The following GABBR1 variants were observed in gnomAD, a reference collection of about 807,000 sequenced individuals.
GABBR1 encodes gamma-aminobutyric acid type B receptor subunit 1.
Under a neutral mutation model 117.7 loss-of-function variants are expected in GABBR1, and 35 were observed. The observed-to-expected ratio is 0.30, with a 90% CI of 0.23 to 0.39. The LOEUF is 0.39. Among genes scored for constraint, GABBR1 ranks in the 10% least tolerant of loss-of-function variants. GABBR1 has a pLI of 1.00. For synonymous variants in GABBR1, 442 were observed against 486.6 expected, an observed-to-expected ratio of 0.91 and a Z score of 1.21; for missense variants, 709 against 1,241.8, an observed-to-expected ratio of 0.57 and a Z score of 6.45.
At chr6:29,615,452 T>C (rs1381596435) in intron 11 of GABBR1, among the ~76,000 whole-genome samples, 2 of 150,668 alleles carry the variant, frequency 1.3e-5, no homozygotes, top group African/African-American at 2.4e-5. Flanking sequence ...CTACTAAAAA[T>C]ACAAAAATTA....
At position 29,627,758 on chromosome 6, in the gene GABBR1, A is replaced by T; in HGVS notation, c.497-112T>A. The T allele has an allele frequency of 4.0e-6, 6 of 1,481,710 alleles. No individual in the cohort carries two copies. The highest frequency in any genetic ancestry group is 5.4e-6 in the Non-Finnish European group (6 of 1,121,486). The allele number at this position is 1,481,710 out of a possible 1,614,324, so 91.8% of individuals were successfully genotyped here. A position where few individuals can be genotyped will look rare whatever the true frequency, so the allele number is the denominator to read the frequency against. On this transcript the variant is annotated intron_variant, in intron 5 of 22. Transcript: ENST00000377034. This position sits in a 1 kb window ranked among gnomAD's most constrained non-coding sequence, Gnocchi z 4.4. ...ATCACAACCAGAAGCGGCAGTGGCC[A>T]CCCCACCCGGGCAAAAGGGGCCCCG...
In GABBR1 at chr6:29,632,725, C is replaced by A. The variant is rs1238947096; in HGVS notation, c.-1+125G>T. On this transcript the variant is annotated intron_variant, in intron 1 of 22. Transcript: ENST00000377034. This position sits in a 1 kb window ranked among gnomAD's most constrained non-coding sequence, Gnocchi z 5.8. ...CCGCCTCAGCGCTCCCCGATTCCAT[C>A]CCCGCGGTTCCTCCTCTCCCCCAGC... 8.7e-5 allele frequency: 115 copies of A among 1,326,284 alleles called. No homozygotes were observed. Among genetic ancestry groups the A allele is most frequent in the Non-Finnish European group, 1.1e-4 (112 of 1,022,320 alleles). The allele number at this position is 1,326,284 out of a possible 1,614,324, so 82.2% of individuals were successfully genotyped here. A position where few individuals can be genotyped will look rare whatever the true frequency, so the allele number is the denominator to read the frequency against.
rs28383948 is a variant in GABBR1 at position 29,610,068 on chromosome 6, T to TA, written c.1709-690dup. Among the ~76,000 whole-genome samples, 355 of 125,216 alleles carry TA rather than the reference T, an allele frequency of 2.8e-3. 2 individuals are homozygous for TA. Among genetic ancestry groups the TA allele is most frequent in the Middle Eastern group, 7.7e-3 (2 of 260 alleles). The allele number at this position is 125,216 out of a possible 152,430, so 82.1% of individuals were successfully genotyped here. Reference sequence around the variant, plus strand: ...AGAACATTGTCCTAAATTCGAATTGTAAAAAAAAAAAAAAAAGGGCAAAAC... The same window carrying TA: ...AGAACATTGTCCTAAATTCGAATTGTAAAAAAAAAAAAAAAAAGGGCAAAAC... On this transcript the variant is annotated intron_variant, in intron 14 of 22. Coordinates refer to ENST00000377034, the MANE Select transcript of GABBR1 (RefSeq NM_001470.4).
At position 29,610,967 on chromosome 6, in the gene GABBR1, G is replaced by A; in HGVS notation, c.1665C>T (p.Ser555=). ...GSYKKIGYYD[S]TKDDLSWSKT... ...TGGACCAGGAAAGATCATCCTTGGT[G>A]CTGTCATAGTAGCCAATCTTCTTGT... is the stretch of plus-strand genomic sequence containing the variant. Residue 555 remains serine (S), a synonymous_variant, in exon 14 of 23, where the codon AGC becomes AGT. Transcript: ENST00000377034. The A allele has an allele frequency of 1.2e-6, 2 of 1,613,028 alleles. No individual in the cohort carries two copies. The highest frequency in any genetic ancestry group is 1.7e-6 in the Non-Finnish European group (2 of 1,179,980).
At chr6:29,612,682 C>G in intron 12 of GABBR1, 68 bp from the exon 13 acceptor site, 1 of 1,304,324 alleles carries the variant, frequency 7.7e-7, no homozygotes, top group Non-Finnish European at 1.1e-6. Flanking sequence ...ACATCAGGGA[C>G]TCTTTAAATC....
Position 29,613,622 on chromosome 6 carries a change from A to T in GABBR1, c.1324-137T>A. The T allele has an allele frequency of 8.9e-7, 1 of 1,123,518 alleles. No individual in the cohort carries two copies. 69.6% of individuals were successfully genotyped at this position (1,123,518 alleles called of 1,614,324 possible). A position where few individuals can be genotyped will look rare whatever the true frequency, so the allele number is the denominator to read the frequency against. On this transcript the variant is annotated intron_variant, in intron 11 of 22. Transcript: ENST00000377034. This position sits in a 1 kb window ranked among gnomAD's most constrained non-coding sequence, Gnocchi z 4.1. Reference sequence around the variant, plus strand: ...CTGTTGTCAGATTGGACACATGTACATTCAAAATCTTTAACTATACCCATG... The same window carrying T: ...CTGTTGTCAGATTGGACACATGTACTTTCAAAATCTTTAACTATACCCATG...
rs1484754590 is a variant in GABBR1 at position 29,630,680 on chromosome 6, T to C, written c.290-37A>G. On this transcript the variant is annotated intron_variant, in intron 3 of 22. Coordinates refer to ENST00000377034, the MANE Select transcript of GABBR1 (RefSeq NM_001470.4). This position sits in a 1 kb window ranked among gnomAD's most constrained non-coding sequence, Gnocchi z 4.9. ...TAGGAAAATAAGAAGAGAGGCGAGT[T>C]GAAGAAGGCTCTTTCCCTTTAAAGA... The C allele has an allele frequency of 6.4e-6, 10 of 1,567,556 alleles. No homozygotes were observed. The highest frequency in any genetic ancestry group is 8.7e-6 in the Non-Finnish European group (10 of 1,143,350).
rs551793712 is a variant in GABBR1 at position 29,606,517 on chromosome 6, T to C, written c.2218-33A>G. ...AGAAACAAGGTCACAAGAAAGATGG[T>C]TGCCAGCCTCCCCTCCTCTCCTCAA... is the stretch of plus-strand genomic sequence containing the variant. On this transcript the variant is annotated intron_variant, in intron 18 of 22. Transcript: ENST00000377034. The surrounding 1 kb of genome is among the most constrained non-coding windows in gnomAD (Gnocchi z 4.5). The C allele has an allele frequency of 3.1e-5, 46 of 1,461,574 alleles. No homozygotes were observed. The highest frequency in any genetic ancestry group is 4.3e-5 in the Non-Finnish European group (45 of 1,041,642). The allele number at this position is 1,461,574 out of a possible 1,614,324, so 90.5% of individuals were successfully genotyped here. A position where few individuals can be genotyped will look rare whatever the true frequency, so the allele number is the denominator to read the frequency against.
rs748965349 is a variant in GABBR1 at position 29,610,962 on chromosome 6, T to C, written c.1670A>G (p.Lys557Arg). ...TGTTTTGGACCAGGAAAGATCATCC[T>C]TGGTGCTGTCATAGTAGCCAATCTT... Reference protein sequence around the residue: ...YKKIGYYDSTKDDLSWSKTDK... With the variant: ...YKKIGYYDSTRDDLSWSKTDK... The change falls in exon 14 of 23, where the codon AAG becomes AGG. Residue 557 changes from lysine to arginine, a missense_variant. By Grantham distance (26) the Lys-to-Arg change is conservative (BLOSUM62 2). Coordinates refer to ENST00000377034, the MANE Select transcript of GABBR1 (RefSeq NM_001470.4). 4 of 1,613,074 alleles carry C rather than the reference T, an allele frequency of 2.5e-6. No individual in the cohort carries two copies. The highest frequency in any genetic ancestry group is 3.4e-6 in the Non-Finnish European group (4 of 1,180,006).
chr6:29,625,154 T>C (rs939250557), intron 6 of GABBR1, among the ~76,000 whole-genome samples: 1 of 152,036 alleles, frequency 6.6e-6, no homozygotes, highest in African/African-American at 2.4e-5. Flanking sequence ...GAATTCTCTG[T>C]TGCCCACCCT....
Position 29,606,708 on chromosome 6 carries a change from T to G in GABBR1, c.2217+189A>C. ...CACACCCTTCCCAGATTCCCACCCC[T>G]TCCTTTCTTCAGCTGAATCTGGAGG... On this transcript the variant is annotated intron_variant, in intron 18 of 22. Transcript: ENST00000377034. This position sits in a 1 kb window ranked among gnomAD's most constrained non-coding sequence, Gnocchi z 4.5. 3 of 635,094 alleles carry G rather than the reference T, an allele frequency of 4.7e-6. No homozygotes were observed. The South Asian group carries it at 5.9e-5, about 12-fold the overall frequency. 39.3% of individuals were successfully genotyped at this position (635,094 alleles called of 1,614,324 possible). A position where few individuals can be genotyped will look rare whatever the true frequency, so the allele number is the denominator to read the frequency against.
Position 29,623,479 on chromosome 6 carries a change from TG to T in GABBR1, c.793-5del, listed in dbSNP as rs1326284505. 6.2e-7 allele frequency: 1 copy of T among 1,612,908 alleles called. No individual in the cohort carries two copies. The highest frequency in any genetic ancestry group is 8.5e-7 in the Non-Finnish European group (1 of 1,179,880). On this transcript the variant is annotated splice_region_variant and splice_polypyrimidine_tract_variant and intron_variant, in intron 7 of 22. Coordinates refer to ENST00000377034, the MANE Select transcript of GABBR1 (RefSeq NM_001470.4). This position sits in a 1 kb window ranked among gnomAD's most constrained non-coding sequence, Gnocchi z 6.2. ...GTGAGCTGGAGCCATAGGAAAGCTGTGGGGCAGGGAGAGTGAGTGCAACAGG... is the reference window on the plus strand; with the variant it reads ...GTGAGCTGGAGCCATAGGAAAGCTGTGGGCAGGGAGAGTGAGTGCAACAGG...
chr6:29,610,798 C>A, intron 14 of GABBR1, 126 bp downstream of exon 14: 2 of 773,192 alleles, frequency 2.6e-6, no homozygotes, highest in Non-Finnish European at 4.4e-6. Context: ...AACCCTTTCT[C>A]CTGGCCCAGC....
chr6:29,629,313 T>G, intron 4 of GABBR1: 1 of 697,724 alleles, frequency 1.4e-6, no homozygotes, highest in Non-Finnish European at 2.6e-6. Flanking sequence ...CTTCGATTTT[T>G]CATAGGACAA....
In GABBR1 at chr6:29,603,692, G is replaced by A. The variant is rs1420348778; in HGVS notation, c.2737C>T (p.Arg913Cys). 6 of 1,506,178 alleles carry A rather than the reference G, an allele frequency of 4.0e-6. No individual in the cohort carries two copies. The highest frequency in any genetic ancestry group is 1.4e-5 in the South Asian group (1 of 72,678). 93.3% of individuals were successfully genotyped at this position (1,506,178 alleles called of 1,614,324 possible). Residue 913 changes from arginine (R) to cysteine (C), a missense_variant, in exon 23 of 23, where the codon CGC (arginine) becomes TGC (cysteine). This residue lies in a region of GABBR1 where 251 missense variants were observed against 445.3 expected (regional missense o/e 0.56). Transcript: ENST00000377034. ...TGCTGCCGAGACTGGAGTTGATGGC[G>A]CAGTTCAGAGACACGCTCCTCTTTC... ...AEKEERVSEL[R>C]HQLQSRQQLR... is the part of the protein sequence containing the mutation.
chr6:29,621,867 G>C lies in GABBR1; in HGVS notation c.1066-50C>G, dbSNP rs1763786639. The C allele has an allele frequency of 6.3e-7, 1 of 1,584,132 alleles. No homozygotes were observed. The highest frequency in any genetic ancestry group is 8.7e-7 in the Non-Finnish European group (1 of 1,153,246). On this transcript the variant is annotated intron_variant, in intron 9 of 22. Coordinates refer to ENST00000377034, the MANE Select transcript of GABBR1 (RefSeq NM_001470.4). This position sits in a 1 kb window ranked among gnomAD's most constrained non-coding sequence, Gnocchi z 5.0. The stretch of plus-strand genomic sequence containing the variant: ...CTGAGGGATGCCCGGGAATGCCTGA[G>C]GGGCTAAGCCAGATGTCTTCACAGC...
chr6:29,623,812 A>AC lies in GABBR1; in HGVS notation c.792+77dup. 1 of 1,509,190 alleles carries AC rather than the reference A, an allele frequency of 6.6e-7. No individual in the cohort carries two copies. 93.5% of individuals were successfully genotyped at this position (1,509,190 alleles called of 1,614,324 possible). On this transcript the variant is annotated intron_variant, in intron 7 of 22. Transcript: ENST00000377034. This position sits in a 1 kb window ranked among gnomAD's most constrained non-coding sequence, Gnocchi z 6.2. ...TCCTCCACACTCCTTTTCAATACAA[A>AC]CCCACAATCGCCATCGTCCCTTCAG...
intron 6 of GABBR1, 143 bp from the exon 7 acceptor site, chr6:29,624,167 G>C (rs1300829794): frequency 2.4e-6 from 2 of 830,114 alleles, no homozygotes; most frequent in Non-Finnish European, 3.6e-6. Context: ...TCTCCTTTCT[G>C]GCATCTCTTC....
In GABBR1 at chr6:29,631,913, T is replaced by A. The variant is rs913009615; in HGVS notation, c.86-314A>T. On this transcript the variant is annotated intron_variant, in intron 2 of 22. Coordinates refer to ENST00000377034, the MANE Select transcript of GABBR1 (RefSeq NM_001470.4). This position sits in a 1 kb window ranked among gnomAD's most constrained non-coding sequence, Gnocchi z 5.9. ...ATGATATGTGGGTGGAGCTTTTCTT[T>A]AAAAAAAAAGGCTAAATGAGGATAT... Among the ~76,000 whole-genome samples, 1 of 150,202 alleles carries A rather than the reference T, an allele frequency of 6.7e-6. No homozygotes were observed. The highest frequency in any genetic ancestry group is 2.0e-4 in the East Asian group (1 of 5,096).
Sources: gnomAD v4.1 joint callset for allele counts (sites outside exome capture counted in the v4.1 genomes callset) on GRCh38, gnomAD v4.1.1 for gene constraint, gnomAD v4.1.1 regional missense constraint, Gnocchi (gnomAD v3.1) non-coding constraint, MANE v1.5 for transcripts, NCBI Gene and HGNC (gene_info 2026-07-23, HGNC 2026-07-21) for gene names.